IL1RAPL2: variants seen among roughly 807,000 people sequenced by gnomAD.
The protein encoded by IL1RAPL2 is interleukin 1 receptor accessory protein like 2.
IL1RAPL2 carries 3 observed loss-of-function variants against 44.1 expected under a neutral mutation model. The ratio of observed to expected loss-of-function variants is 0.07; its 90% CI spans 0.03 to 0.18. IL1RAPL2 has a LOEUF of 0.18. IL1RAPL2 is among the 10% of genes least tolerant of loss of function. The probability of loss-of-function intolerance (pLI) is 1.00; values close to 1 mark genes in which losing one functional copy is unlikely to be tolerated. For synonymous variants in IL1RAPL2, 181 were observed against 178.8 expected (o/e 1.01, Z -0.10); for missense variants, 391 against 496.4 (o/e 0.79, Z 2.02).
intron 2 of IL1RAPL2, among the ~76,000 whole-genome samples, chrX:104,770,011 A>T (rs1159748695): frequency 1.8e-5 from 2 of 111,268 alleles, no homozygotes; most frequent in Non-Finnish European, 3.8e-5. Context: ...CTTTCTTTTT[A>T]GTAAGTCACA....
At chrX:104,851,419 T>C (rs1158743956) in intron 2 of IL1RAPL2, among the ~76,000 whole-genome samples, 1 of 111,926 alleles carries the variant, frequency 8.9e-6, no homozygotes, top group Non-Finnish European at 1.9e-5. Context: ...CAGAAAGTGC[T>C]TGTCAAAAAA....
chrX:105,147,653 G>T (rs901863090), intron 2 of IL1RAPL2, among the ~76,000 whole-genome samples: 11 of 111,627 alleles, frequency 9.9e-5, no homozygotes, highest in Admixed American at 8.6e-4. Context: ...GTTGTAGCAT[G>T]TATCAAAACT....
At chrX:105,004,533 T>G (rs1313323045) in intron 2 of IL1RAPL2, among the ~76,000 whole-genome samples, 1 of 110,788 alleles carries the variant, frequency 9.0e-6, no homozygotes, top group African/African-American at 3.3e-5. Flanking sequence ...TCTGGCTCTC[T>G]GAGTTCAGCA....
At chrX:104,703,794 C>G (rs904438080) in intron 2 of IL1RAPL2, among the ~76,000 whole-genome samples, 2 of 111,904 alleles carry the variant, frequency 1.8e-5, no homozygotes, top group African/African-American at 6.5e-5. Flanking sequence ...GTCATTTGCC[C>G]AAAGACACAC....
At chrX:104,939,382 A>T (rs1925107714) in intron 2 of IL1RAPL2, among the ~76,000 whole-genome samples, 1 of 111,736 alleles carries the variant, frequency 8.9e-6, no homozygotes, top group Admixed American at 9.5e-5. Flanking sequence ...ATGGGATTTC[A>T]TAAATCCTTT....
intron 6 of IL1RAPL2, among the ~76,000 whole-genome samples, chrX:105,617,900 A>G (rs1410697509): frequency 8.9e-6 from 1 of 111,813 alleles, no homozygotes; most frequent in African/African-American, 3.2e-5. Context: ...CTCCTGTCCC[A>G]TAGATAAACA....
chrX:105,080,089 A>G (rs1158320097), intron 2 of IL1RAPL2, among the ~76,000 whole-genome samples: 2 of 111,603 alleles, frequency 1.8e-5, no homozygotes, highest in African/African-American at 3.3e-5. Context: ...TAGATTCTGG[A>G]TATTAGCCCT....
chrX:104,710,204 A>C (rs1184629764), intron 2 of IL1RAPL2, among the ~76,000 whole-genome samples: 1 of 111,722 alleles, frequency 9.0e-6, no homozygotes, highest in African/African-American at 3.2e-5. Flanking sequence ...TAGCAGCACT[A>C]CTTAAAATTG....
chrX:105,054,576 A>G (rs954041231), intron 2 of IL1RAPL2, among the ~76,000 whole-genome samples: 3 of 112,124 alleles, frequency 2.7e-5, no homozygotes, highest in Non-Finnish European at 5.6e-5. Flanking sequence ...GCATACCACC[A>G]TGTCCAGCTT....
intron 2 of IL1RAPL2, among the ~76,000 whole-genome samples, chrX:104,666,716 T>G (rs1486941311): frequency 9.0e-6 from 1 of 111,627 alleles, no homozygotes; most frequent in African/African-American, 3.3e-5. Flanking sequence ...CAGTCTAAAG[T>G]GCATCCCTTG....
intron 1 of IL1RAPL2, among the ~76,000 whole-genome samples, chrX:104,575,189 AAAG>A (rs1248914209): frequency 9.0e-6 from 1 of 111,509 alleles, no homozygotes; most frequent in Non-Finnish European, 1.9e-5. Context: ...AATAATAATA[AAAG>A]AAGAAATCAG....
intron 6 of IL1RAPL2, among the ~76,000 whole-genome samples, chrX:105,487,277 T>C (rs186599802): frequency 1.2e-4 from 13 of 111,132 alleles, no homozygotes; most frequent in African/African-American, 4.2e-4. Context: ...ATACATTCCA[T>C]TCAGATTCAC....
chrX:105,358,518 A>C (rs963117784), intron 5 of IL1RAPL2, among the ~76,000 whole-genome samples: 36 of 109,596 alleles, frequency 3.3e-4, no homozygotes, highest in East Asian at 5.8e-4. Flanking sequence ...TCTACAAAAA[A>C]TACAAAAATT....
chrX:105,405,903 G>T (rs1346017772), intron 5 of IL1RAPL2: 1 of 1,165,810 alleles, frequency 8.6e-7, no homozygotes, highest in Non-Finnish European at 1.2e-6. Flanking sequence ...ACTGATTGAT[G>T]ATATTGCTTT....
intron 4 of IL1RAPL2, among the ~76,000 whole-genome samples, chrX:105,246,730 C>T (rs1175321898): frequency 9.0e-6 from 1 of 111,672 alleles, no homozygotes; most frequent in Non-Finnish European, 1.9e-5. Flanking sequence ...ATGTGACTTT[C>T]TCAAGTTTTA....
intron 6 of IL1RAPL2, 127 bp from the exon 7 acceptor site, chrX:105,717,235 TGATAA>T: frequency 2.1e-6 from 1 of 485,585 alleles, no homozygotes; most frequent in Non-Finnish European, 3.1e-6. Context: ...CCAGGTACAA[TGATAA>T]GATGACTAGA....
chrX:104,770,301 A>G (rs1442747910), intron 2 of IL1RAPL2, among the ~76,000 whole-genome samples: 3 of 111,514 alleles, frequency 2.7e-5, no homozygotes, highest in Non-Finnish European at 3.8e-5. Flanking sequence ...ACAGGTTGCT[A>G]CATATTATAT....
At chrX:105,318,455 A>G (rs1256876572) in intron 5 of IL1RAPL2, among the ~76,000 whole-genome samples, 2 of 111,786 alleles carry the variant, frequency 1.8e-5, no homozygotes, top group Non-Finnish European at 3.8e-5. Context: ...TCAGAGAAAA[A>G]AAATTTTTTT....
chrX:105,363,023 C>G (rs1056331969), intron 5 of IL1RAPL2, among the ~76,000 whole-genome samples: 1 of 108,255 alleles, frequency 9.2e-6, no homozygotes, highest in Non-Finnish European at 1.9e-5. Context: ...CTTTTCCTCC[C>G]CTCTCCTTTA....
Sources: gnomAD v4.1 joint callset for allele counts (sites outside exome capture counted in the v4.1 genomes callset) on GRCh38, gnomAD v4.1.1 for gene constraint, MANE v1.5 for transcripts, NCBI Gene and HGNC (gene_info 2026-07-23, HGNC 2026-07-21) for gene names.